The following NTRK2 variants were observed in gnomAD, a reference collection of about 807,000 sequenced individuals.
NTRK2 encodes neurotrophic receptor tyrosine kinase 2, also known as BDNF/NT-3 growth factors receptor.
Under a neutral mutation model 94.5 loss-of-function variants are expected in NTRK2, and 13 were observed. The observed-to-expected ratio is 0.14, with a 90% CI of 0.09 to 0.22. The LOEUF is 0.22. Ranked by LOEUF, NTRK2 falls within the 10% of genes least tolerant of loss-of-function variation. NTRK2 has a pLI of 1.00. For missense variants in NTRK2, 639 were observed against 1,071.2 expected, an observed-to-expected ratio of 0.60 and a Z score of 5.63; for synonymous variants, 372 against 407.4, an observed-to-expected ratio of 0.91 and a Z score of 1.05.
chr9:84,880,486 T>G (rs937858768), intron 14 of NTRK2, among the ~76,000 whole-genome samples: 5 of 152,202 alleles, frequency 3.3e-5, no homozygotes, highest in African/African-American at 1.2e-4. Flanking sequence ...GTTCCTTCAT[T>G]TTCCATTCAA....
At position 85,024,199 on chromosome 9, in the gene NTRK2, T is replaced by G; in HGVS notation, c.*2762T>G. The G allele has an allele frequency of 4.3e-6, 1 of 232,290 alleles. No individual in the cohort carries two copies. The highest frequency in any genetic ancestry group is 8.5e-6 in the Non-Finnish European group (1 of 117,488). 14.4% of individuals were successfully genotyped at this position (232,290 alleles called of 1,614,324 possible). Reference sequence around the variant, plus strand: ...TCAAATTGAAAGAATATCAGATTGCTTTTAAAGTAGCTGAACGAGCCACAG... The same window carrying G: ...TCAAATTGAAAGAATATCAGATTGCGTTTAAAGTAGCTGAACGAGCCACAG... On this transcript the variant is annotated 3_prime_UTR_variant, in exon 19 of 19. Transcript: ENST00000277120.
At chr9:84,890,759 A>G (rs2076571463) in intron 14 of NTRK2, among the ~76,000 whole-genome samples, 1 of 152,234 alleles carries the variant, frequency 6.6e-6, no homozygotes, top group Non-Finnish European at 1.5e-5. Context: ...AAGACGTAGG[A>G]CACAAGGCTA....
At chr9:85,005,886 G>T (rs1830909422) in intron 17 of NTRK2, among the ~76,000 whole-genome samples, 1 of 151,830 alleles carries the variant, frequency 6.6e-6, no homozygotes, top group African/African-American at 2.4e-5. Flanking sequence ...TATTATTTTG[G>T]CACAGTATTT....
At chr9:84,682,213 G>T (rs918864715) in intron 2 of NTRK2, among the ~76,000 whole-genome samples, 2 of 152,206 alleles carry the variant, frequency 1.3e-5, no homozygotes, top group African/African-American at 4.8e-5. Flanking sequence ...CTTTGGAAAG[G>T]TTAGTGCCTT....
At chr9:84,728,138 A>G (rs536034754) in intron 9 of NTRK2, among the ~76,000 whole-genome samples, 179 bp downstream of exon 9, 2 of 152,174 alleles carry the variant, frequency 1.3e-5, no homozygotes, top group East Asian at 1.9e-4. Context: ...TTTATTGTGG[A>G]ATTCAGGGTC....
chr9:84,902,613 GCAGGCAAACGAAT>G (rs1331683671), intron 14 of NTRK2, among the ~76,000 whole-genome samples: 1 of 152,284 alleles, frequency 6.6e-6, no homozygotes, highest in East Asian at 1.9e-4. Flanking sequence ...GGAAAGGGAA[GCAGGCAAACGAAT>G]CCACAGGACT....
intron 15 of NTRK2, among the ~76,000 whole-genome samples, chr9:84,936,572 G>T (rs2078219591): frequency 6.6e-6 from 1 of 151,972 alleles, no homozygotes; most frequent in Non-Finnish European, 1.5e-5. Flanking sequence ...CCAGACCTAG[G>T]GCCTAGTCTT....
At chr9:84,943,676 A>G (rs1369371304) in intron 15 of NTRK2, among the ~76,000 whole-genome samples, 1 of 152,186 alleles carries the variant, frequency 6.6e-6, no homozygotes, top group African/African-American at 2.4e-5. Context: ...GGAAGCTGCC[A>G]CCCGATATTC....
At chr9:85,009,070 C>T (rs558498662) in intron 17 of NTRK2, among the ~76,000 whole-genome samples, 17 of 152,324 alleles carry the variant, frequency 1.1e-4, no homozygotes, top group Admixed American at 1.3e-4. Flanking sequence ...CAGGAAACCA[C>T]GTCTGTAGAC....
At chr9:84,795,207 G>A (rs751699701) in intron 12 of NTRK2, among the ~76,000 whole-genome samples, 2 of 152,178 alleles carry the variant, frequency 1.3e-5, no homozygotes, top group African/African-American at 2.4e-5. Context: ...CAGCTTTCCT[G>A]CATCTACTGA....
intron 12 of NTRK2, among the ~76,000 whole-genome samples, chr9:84,818,421 A>G (rs545386731): frequency 1.4e-4 from 21 of 152,216 alleles, no homozygotes; most frequent in Non-Finnish European, 2.9e-4. Context: ...GTAGAATTCT[A>G]AAGTTAACTG....
At chr9:84,872,225 G>C in intron 14 of NTRK2, 1 of 1,134,968 alleles carries the variant, frequency 8.8e-7, no homozygotes, top group Non-Finnish European at 1.1e-6. Flanking sequence ...GGGCAGCTGT[G>C]TTGCTTTCCT....
intron 11 of NTRK2, among the ~76,000 whole-genome samples, chr9:84,746,853 A>G (rs2064125615): frequency 6.6e-6 from 1 of 152,162 alleles, no homozygotes. Flanking sequence ...ATTGTCTGGA[A>G]TGACCCCATT....
intron 12 of NTRK2, among the ~76,000 whole-genome samples, chr9:84,760,668 A>G (rs971795691): frequency 1.3e-5 from 2 of 152,182 alleles, no homozygotes; most frequent in Non-Finnish European, 2.9e-5. Flanking sequence ...GTTTATAAAA[A>G]CTTGTTTCAT....
chr9:84,747,277 A>G (rs186971641), intron 11 of NTRK2, among the ~76,000 whole-genome samples: 1 of 152,266 alleles, frequency 6.6e-6, no homozygotes, highest in East Asian at 1.9e-4. Flanking sequence ...TTGAAATAGC[A>G]AGAACAAATA....
rs1473541974 is a variant in NTRK2 at position 85,023,521 on chromosome 9, G to A, written c.*2084G>A. The stretch of plus-strand genomic sequence containing the variant: ...AGGGAGTTGACAAGATAAACCTTAC[G>A]TCCATTCAAGTTATATGCTGGCCTA... On this transcript the variant is annotated 3_prime_UTR_variant, in exon 19 of 19. Coordinates refer to ENST00000277120, the MANE Select transcript of NTRK2 (RefSeq NM_006180.6). 8.6e-6 allele frequency: 2 copies of A among 232,426 alleles called. No homozygotes were observed. The highest frequency in any genetic ancestry group is 8.5e-6 in the Non-Finnish European group (1 of 117,670). The allele number at this position is 232,426 out of a possible 1,614,324, so 14.4% of individuals were successfully genotyped here.
intron 11 of NTRK2, among the ~76,000 whole-genome samples, chr9:84,745,280 A>C (rs552741001): frequency 1.3e-5 from 2 of 152,300 alleles, no homozygotes; most frequent in South Asian, 4.1e-4. Context: ...TTTGTGCACC[A>C]CTTTTGGTTG....
chr9:84,997,070 AG>A (rs1261109680), intron 17 of NTRK2, among the ~76,000 whole-genome samples: 2 of 152,176 alleles, frequency 1.3e-5, no homozygotes, highest in African/African-American at 4.8e-5. Context: ...CTCGCTGTGG[AG>A]GCAAAGCATG....
chr9:84,996,894 C>G (rs1393458653), intron 17 of NTRK2, among the ~76,000 whole-genome samples: 1 of 152,206 alleles, frequency 6.6e-6, no homozygotes, highest in African/African-American at 2.4e-5. Flanking sequence ...TCTAGTGCCT[C>G]CAATAACTAA....
Sources: allele counts gnomAD v4.1 joint callset (sites outside exome capture counted in the v4.1 genomes callset), GRCh38; gene constraint gnomAD v4.1.1; transcripts MANE v1.5; gene names NCBI Gene and HGNC (gene_info 2026-07-23, HGNC 2026-07-21).